CSMD1: variants seen among roughly 807,000 people sequenced by gnomAD.
The protein encoded by CSMD1 is CUB and Sushi multiple domains 1, also known as CUB and sushi domain-containing protein 1.
Under a neutral mutation model 417.5 loss-of-function variants are expected in CSMD1, and 213 were observed. That is an observed-to-expected ratio of 0.51 (90% confidence interval 0.46 to 0.57). CSMD1 has a LOEUF of 0.57. CSMD1 is among the 20% of genes least tolerant of loss of function. The pLI is 0.00. For synonymous variants in CSMD1, 2,862 were observed against 1,736.8 expected (o/e 1.65, Z -16.11); for missense variants, 6,923 against 4,529.7 (o/e 1.53, Z -15.17).
chr8:3,798,675 C>T (rs1436003317), intron 5 of CSMD1, among the ~76,000 whole-genome samples: 1 of 152,082 alleles, frequency 6.6e-6, no homozygotes, highest in South Asian at 2.1e-4. Context: ...GATGCATTTA[C>T]ACACATATAA....
intron 25 of CSMD1, among the ~76,000 whole-genome samples, chr8:3,296,583 G>T (rs909229959): frequency 6.6e-6 from 1 of 152,154 alleles, no homozygotes; most frequent in Non-Finnish European, 1.5e-5. Context: ...GAGGGAAAAT[G>T]ACACTCTGTC....
chr8:4,580,065 G>T (rs951229139), intron 2 of CSMD1, among the ~76,000 whole-genome samples: 6 of 152,080 alleles, frequency 3.9e-5, no homozygotes, highest in African/African-American at 1.4e-4. Context: ...GTGTTTCTCT[G>T]CTTTTGTTTC....
chr8:4,569,715 A>G (rs770561070), intron 2 of CSMD1, among the ~76,000 whole-genome samples: 1 of 152,112 alleles, frequency 6.6e-6, no homozygotes, highest in African/African-American at 2.4e-5. Context: ...CATTGAATCT[A>G]TATATTACTT....
chr8:3,496,992 G>T (rs1354282359), intron 10 of CSMD1, among the ~76,000 whole-genome samples: 2 of 152,064 alleles, frequency 1.3e-5, no homozygotes, highest in Non-Finnish European at 2.9e-5. Flanking sequence ...ATCTGTTACA[G>T]TCAAAAAATA....
intron 3 of CSMD1, among the ~76,000 whole-genome samples, chr8:4,267,689 G>T (rs1163440828): frequency 6.6e-6 from 1 of 151,932 alleles, no homozygotes; most frequent in Non-Finnish European, 1.5e-5. Context: ...TCCCTCCTTA[G>T]TGTCTTACAT....
At chr8:3,449,297 G>C (rs1815533064) in intron 12 of CSMD1, among the ~76,000 whole-genome samples, 1 of 152,104 alleles carries the variant, frequency 6.6e-6, no homozygotes, top group Non-Finnish European at 1.5e-5. Context: ...CAGCTTCTTT[G>C]CTTTTAAAAA....
chr8:4,090,276 C>G (rs1263757622), intron 3 of CSMD1, among the ~76,000 whole-genome samples: 1 of 152,072 alleles, frequency 6.6e-6, no homozygotes, highest in Non-Finnish European at 1.5e-5. Context: ...AGCTTAGATT[C>G]TAATTAAGGA....
intron 3 of CSMD1, among the ~76,000 whole-genome samples, chr8:4,203,382 G>A (rs941119417): frequency 1.3e-5 from 2 of 152,148 alleles, no homozygotes; most frequent in African/African-American, 4.8e-5. Context: ...AATATGAGGT[G>A]AGATCTTTGT....
intron 3 of CSMD1, among the ~76,000 whole-genome samples, chr8:4,185,142 A>T (rs1217805516): frequency 3.0e-5 from 1 of 32,874 alleles, no homozygotes; most frequent in African/African-American, 9.9e-5. Context: ...TTGCCTCAAA[A>T]AAAAAAAAAA....
intron 1 of CSMD1, among the ~76,000 whole-genome samples, chr8:4,748,985 CATTA>C (rs750212442): frequency 3.3e-5 from 5 of 152,196 alleles, no homozygotes; most frequent in Non-Finnish European, 7.3e-5. Flanking sequence ...AAGCTACTGG[CATTA>C]ATTAATATTT....
chr8:3,005,801 C>A (rs1807838551), intron 52 of CSMD1, among the ~76,000 whole-genome samples: 1 of 152,088 alleles, frequency 6.6e-6, no homozygotes, highest in Non-Finnish European at 1.5e-5. Flanking sequence ...TATGACAAAC[C>A]CACAGCCAAT....
At chr8:4,677,663 A>C (rs1016696332) in intron 1 of CSMD1, among the ~76,000 whole-genome samples, 1 of 152,116 alleles carries the variant, frequency 6.6e-6, no homozygotes, top group African/African-American at 2.4e-5. Context: ...CTCTCTGACT[A>C]ATTGTGAATT....
At chr8:3,514,317 T>C (rs527807283) in intron 10 of CSMD1, among the ~76,000 whole-genome samples, 2 of 152,272 alleles carry the variant, frequency 1.3e-5, no homozygotes, top group South Asian at 4.2e-4. Context: ...CTAGTAGATA[T>C]TTTTGGCTAG....
At chr8:4,901,123 C>G (rs148236448) in intron 1 of CSMD1, among the ~76,000 whole-genome samples, 1 of 152,222 alleles carries the variant, frequency 6.6e-6, no homozygotes, top group African/African-American at 2.4e-5. Flanking sequence ...CAGTATTACA[C>G]AGCAATTGCA....
chr8:4,028,753 T>C (rs75588933), intron 4 of CSMD1, among the ~76,000 whole-genome samples: 1,720 of 152,318 alleles, frequency 0.011, 31 homozygotes, highest in African/African-American at 0.038. Flanking sequence ...TTAGTGCTTG[T>C]TGTGAGAGTT....
chr8:4,676,662 G>C (rs573993894), intron 1 of CSMD1, among the ~76,000 whole-genome samples: 2 of 152,146 alleles, frequency 1.3e-5, no homozygotes, highest in South Asian at 4.1e-4. Context: ...AAGGAAAAAA[G>C]AACAATTTTA....
chr8:4,629,420 G>C (rs1187526836), intron 2 of CSMD1, among the ~76,000 whole-genome samples: 1 of 152,126 alleles, frequency 6.6e-6, no homozygotes, highest in Non-Finnish European at 1.5e-5. Flanking sequence ...CAAATGTATT[G>C]TATTTGGACT....
At chr8:4,102,104 T>A (rs753536536) in intron 3 of CSMD1, among the ~76,000 whole-genome samples, 3 of 152,168 alleles carry the variant, frequency 2.0e-5, no homozygotes, top group Non-Finnish European at 4.4e-5. Context: ...GTAATGCTCA[T>A]TGAAACAAAT....
intron 1 of CSMD1, among the ~76,000 whole-genome samples, chr8:4,799,869 G>T: frequency 6.6e-6 from 1 of 151,986 alleles, no homozygotes; most frequent in Non-Finnish European, 1.5e-5. Context: ...GTGTAAGAAA[G>T]TACTCAAACA....
Sources: gnomAD v4.1 joint callset for allele counts (sites outside exome capture counted in the v4.1 genomes callset) on GRCh38, gnomAD v4.1.1 for gene constraint, MANE v1.5 for transcripts, NCBI Gene and HGNC (gene_info 2026-07-23, HGNC 2026-07-21) for gene names.